Variants in KIT observed in about 807,000 individuals in gnomAD.
KIT encodes the protein mast/stem cell growth factor receptor Kit.
KIT carries 16 observed loss-of-function variants against 105.7 expected under a neutral mutation model. The observed-to-expected ratio is 0.15, with a 90% CI of 0.10 to 0.23. The LOEUF is 0.23. KIT is among the 10% of genes least tolerant of loss of function. The probability of loss-of-function intolerance (pLI) is 1.00; values close to 1 mark genes in which losing one functional copy is unlikely to be tolerated. For missense variants in KIT, 858 were observed against 1,213.8 expected (o/e 0.71, Z 4.36); for synonymous variants, 438 against 441.1 (o/e 0.99, Z 0.09).
chr4:54,705,637 C>G (rs1244836541), intron 5 of KIT, among the ~76,000 whole-genome samples: 1 of 152,130 alleles, frequency 6.6e-6, no homozygotes, highest in African/African-American at 2.4e-5. Flanking sequence ...AATCCCAGCA[C>G]TTTGGGAGGC....
At chr4:54,663,960 T>TG (rs1261155200) in intron 1 of KIT, among the ~76,000 whole-genome samples, 1 of 152,138 alleles carries the variant, frequency 6.6e-6, no homozygotes, top group Non-Finnish European at 1.5e-5. Flanking sequence ...CGTTACAGGC[T>TG]GGGGGTGGAG....
chr4:54,740,339 G>C lies in KIT; in HGVS notation c.*1782G>C, dbSNP rs1317414675. 4.3e-6 allele frequency: 1 copy of C among 233,410 alleles called. No individual in the cohort carries two copies. The highest frequency in any genetic ancestry group is 2.2e-5 in the African/African-American group (1 of 45,342). 14.5% of individuals were successfully genotyped at this position (233,410 alleles called of 1,614,324 possible). A position where few individuals can be genotyped will look rare whatever the true frequency, so the allele number is the denominator to read the frequency against. On this transcript the variant is annotated 3_prime_UTR_variant, in exon 21 of 21. Transcript: ENST00000288135. ...TGTGTTTCTATTGACTTCAATGATA[G>C]TAAGAAAAGTGGTTGTTAGTTATAG...
intron 20 of KIT, among the ~76,000 whole-genome samples, chr4:54,738,137 A>G (rs1342289524): frequency 6.6e-6 from 1 of 152,208 alleles, no homozygotes. Context: ...AGCCTTTTAA[A>G]TAGGTAAGAT....
intron 1 of KIT, among the ~76,000 whole-genome samples, chr4:54,664,573 T>C (rs1187656042): frequency 2.1e-5 from 3 of 146,322 alleles, no homozygotes; most frequent in African/African-American, 7.7e-5. Flanking sequence ...TAAGGGAGAG[T>C]CTGTTTTTAT....
chr4:54,738,275 G>C (rs1444938190), intron 20 of KIT, among the ~76,000 whole-genome samples, 154 bp from the exon 21 acceptor site: 1 of 152,200 alleles, frequency 6.6e-6, no homozygotes, highest in African/African-American at 2.4e-5. Flanking sequence ...TGTTTTGTCA[G>C]TATGACTTGG....
chr4:54,736,409 G>C (rs1722925222), intron 17 of KIT, 89 bp from the exon 18 acceptor site: 1 of 1,012,868 alleles, frequency 9.9e-7, no homozygotes. Context: ...CCACATTTCA[G>C]CAACAGCAGC....
rs935024241 is a variant in KIT at position 54,739,623 on chromosome 4, C to T, written c.*1066C>T. On this transcript the variant is annotated 3_prime_UTR_variant, in exon 21 of 21. Transcript: ENST00000288135. ...AATAAAGTATAGGTTTAGCCTCCTT[C>T]GCAGGCATGTCCTGGACACCGGGCC... The T allele has an allele frequency of 8.6e-6, 2 of 233,456 alleles. No individual in the cohort carries two copies. The highest frequency in any genetic ancestry group is 8.5e-6 in the Non-Finnish European group (1 of 117,980). 14.5% of individuals were successfully genotyped at this position (233,456 alleles called of 1,614,324 possible).
At chr4:54,706,640 C>T (rs1196647758) in intron 5 of KIT, among the ~76,000 whole-genome samples, 1 of 151,846 alleles carries the variant, frequency 6.6e-6, no homozygotes, top group Non-Finnish European at 1.5e-5. Flanking sequence ...ATAAGAAGAC[C>T]TAAGGTTATT....
chr4:54,683,605 AT>A (rs1719101652), intron 1 of KIT, among the ~76,000 whole-genome samples: 1 of 152,232 alleles, frequency 6.6e-6, no homozygotes, highest in African/African-American at 2.4e-5. Flanking sequence ...ACATTTAATA[AT>A]TTTGCTTGTC....
rs1414417597 is a variant in KIT, at chr4:54,725,962, G to A, written c.1452G>A (p.Lys484=). 1.9e-6 allele frequency: 3 copies of A among 1,613,990 alleles called. No homozygotes were observed. The highest frequency in any genetic ancestry group is 1.7e-6 in the Non-Finnish European group (2 of 1,179,980). The change falls in exon 9 of 21, where the codon AAG becomes AAA. Residue 484 remains lysine (K), a synonymous_variant. Transcript: ENST00000288135. ...GTTCTATAGATTCTAGTGCATTCAAGCACAATGGCACGGTTGAATGTAAGG... is the reference window on the plus strand; with the variant it reads ...GTTCTATAGATTCTAGTGCATTCAAACACAATGGCACGGTTGAATGTAAGG... The part of the protein sequence containing the change: ...VQSSIDSSAF[K]HNGTVECKAY...
chr4:54,739,486 G>A lies in KIT; in HGVS notation c.*929G>A, dbSNP rs572274912. 26 of 233,412 alleles carry A rather than the reference G, an allele frequency of 1.1e-4. No homozygotes were observed. In the East Asian group the frequency reaches 1.4e-3, roughly 13 times the overall value. The allele number at this position is 233,412 out of a possible 1,614,324, so 14.5% of individuals were successfully genotyped here. On this transcript the variant is annotated 3_prime_UTR_variant, in exon 21 of 21. Coordinates refer to ENST00000288135, the MANE Select transcript of KIT (RefSeq NM_000222.3). ...GAACAAGCCTATCAGCTTCAGAATG[G>A]CATTGTACTCAATGGATTTGATGCT...
rs547953706 is a variant in KIT at position 54,705,814 on chromosome 4, C to T, written c.926-1284C>T. On this transcript the variant is annotated intron_variant, in intron 5 of 20. Coordinates refer to ENST00000288135, the MANE Select transcript of KIT (RefSeq NM_000222.3). ...GGAGGATTGCTTGAGCCCAGGAAGT[C>T]GAGGCTTTAGTGAGCTGTGATCGTG... Among the ~76,000 whole-genome samples, 5 of 152,148 alleles carry T rather than the reference C, an allele frequency of 3.3e-5. No homozygotes were observed. The East Asian group carries it at 5.8e-4, about 18-fold the overall frequency.
At chr4:54,669,213 C>A (rs907428643) in intron 1 of KIT, among the ~76,000 whole-genome samples, 1 of 47,802 alleles carries the variant, frequency 2.1e-5, no homozygotes, top group African/African-American at 7.9e-5. Context: ...AAAAGAGGAC[C>A]CCCCCCCCTT....
intron 1 of KIT, among the ~76,000 whole-genome samples, chr4:54,663,279 G>A (rs981984527): frequency 2.0e-5 from 3 of 152,166 alleles, no homozygotes; most frequent in African/African-American, 7.2e-5. Flanking sequence ...CTTCCCTGCT[G>A]TGTGCTCTGG....
chr4:54,732,868 A>T (rs571185653), intron 16 of KIT, among the ~76,000 whole-genome samples: 1 of 152,276 alleles, frequency 6.6e-6, no homozygotes, highest in East Asian at 1.9e-4. Context: ...TTTAAAAGAG[A>T]TTATAATAAT....
At position 54,707,153 on chromosome 4, in the gene KIT, T is replaced by C. The variant is rs1720840561; in HGVS notation, c.981T>C (p.Asp327=). ...PMINTTVFVN[D]GENVDLIVEY... ...TAAACACTACAGTATTTGTAAACGA[T>C]GGAGAAAATGTAGATTTGATTGTTG... Residue 327 remains aspartate (D), a synonymous_variant, in exon 6 of 21, where the codon GAT becomes GAC. Coordinates refer to ENST00000288135, the MANE Select transcript of KIT (RefSeq NM_000222.3). 6.3e-7 allele frequency: 1 copy of C among 1,583,536 alleles called. No individual in the cohort carries two copies. Among genetic ancestry groups the C allele is most frequent in the Non-Finnish European group, 8.7e-7 (1 of 1,152,344 alleles).
chr4:54,686,314 AC>A (rs1719309393), intron 1 of KIT, among the ~76,000 whole-genome samples: 5 of 152,188 alleles, frequency 3.3e-5, no homozygotes, highest in Admixed American at 3.3e-4. Flanking sequence ...ATTGCTTGAA[AC>A]CTTAAACTGT....
chr4:54,711,367 G>A (rs776790788), intron 7 of KIT, among the ~76,000 whole-genome samples: 3 of 152,292 alleles, frequency 2.0e-5, no homozygotes, highest in Non-Finnish European at 4.4e-5. Flanking sequence ...GAGTTTAGAT[G>A]AAGAAGGTCA....
chr4:54,681,005 G>A (rs557312294), intron 1 of KIT, among the ~76,000 whole-genome samples: 3 of 152,070 alleles, frequency 2.0e-5, no homozygotes, highest in Non-Finnish European at 2.9e-5. Flanking sequence ...CTAGGTCTTG[G>A]GGGGGTGAAG....
Sources: gnomAD v4.1 joint callset for allele counts (sites outside exome capture counted in the v4.1 genomes callset) on GRCh38, gnomAD v4.1.1 for gene constraint, MANE v1.5 for transcripts, NCBI Gene and HGNC (gene_info 2026-07-23, HGNC 2026-07-21) for gene names.